ACVR1C: variants seen among roughly 807,000 people sequenced by gnomAD.
The protein encoded by ACVR1C is activin A receptor type 1C, also known as activin receptor type-1C.
In ACVR1C, 23 loss-of-function variants were observed where a neutral mutation model predicts 57.9. That is an observed-to-expected ratio of 0.40 (90% CI 0.29 to 0.56). ACVR1C has a LOEUF of 0.56. Among genes scored for constraint, ACVR1C ranks in the 20% least tolerant of loss-of-function variants. The pLI, the probability that ACVR1C is intolerant of heterozygous loss-of-function variation, is 0.50. For missense variants in ACVR1C, 480 were observed against 607.9 expected, an observed-to-expected ratio of 0.79 and a Z score of 2.21; for synonymous variants, 214 against 215.3, an observed-to-expected ratio of 0.99 and a Z score of 0.05.
In ACVR1C at chr2:157,576,835, C is replaced by CTTTT. The variant is rs1166673398; in HGVS notation, c.304+10348_304+10351dup. Among the ~76,000 whole-genome samples, 131 of 41,720 alleles carry CTTTT rather than the reference C, an allele frequency of 3.1e-3. 12 individuals carry two copies. The highest frequency in any genetic ancestry group is 4.8e-3 in the African/African-American group (35 of 7,346). The allele number at this position is 41,720 out of a possible 152,430, so 27.4% of individuals were successfully genotyped here. On this transcript the variant is annotated intron_variant, in intron 2 of 8. Transcript: ENST00000243349. ...AGAGCCTTTTGGGCTTTGAAATTTT[C>CTTTT]TTTTTTTTTTTTTTTTTTTTTTTTT...
intron 2 of ACVR1C, among the ~76,000 whole-genome samples, chr2:157,582,439 T>C (rs909655186): frequency 7.9e-5 from 12 of 152,188 alleles, no homozygotes; most frequent in African/African-American, 2.9e-4. Context: ...ATCCATCATA[T>C]GAACAGACTA....
At chr2:157,617,581 T>C (rs1382318160) in intron 1 of ACVR1C, among the ~76,000 whole-genome samples, 1 of 152,046 alleles carries the variant, frequency 6.6e-6, no homozygotes, top group Non-Finnish European at 1.5e-5. Flanking sequence ...AATGTATTTC[T>C]CAAAATTTCA....
chr2:157,529,647 C>T lies in ACVR1C; in HGVS notation c.*4271G>A, dbSNP rs1171779804. ...TAACTTTATATAATCTCTGAGAGTA[C>T]TAAGGGATTCTCTTTCATTAGAAGG... On this transcript the variant is annotated 3_prime_UTR_variant, in exon 9 of 9. Coordinates refer to ENST00000243349, the MANE Select transcript of ACVR1C (RefSeq NM_145259.3). The T allele has an allele frequency of 3.9e-5, 6 of 151,944 alleles. No individual in the cohort carries two copies. Among genetic ancestry groups the T allele is most frequent in the Middle Eastern group, 3.4e-3 (1 of 294 alleles). The allele number at this position is 151,944 out of a possible 1,614,324, so 9.4% of individuals were successfully genotyped here.
intron 1 of ACVR1C, among the ~76,000 whole-genome samples, chr2:157,611,396 T>G (rs1682529143): frequency 6.6e-6 from 1 of 152,174 alleles, no homozygotes; most frequent in Non-Finnish European, 1.5e-5. Flanking sequence ...TGGGTCGGTC[T>G]TTAGGCACGA....
intron 1 of ACVR1C, among the ~76,000 whole-genome samples, chr2:157,624,040 T>C (rs1014731059): frequency 6.6e-6 from 1 of 152,196 alleles, no homozygotes; most frequent in Non-Finnish European, 1.5e-5. Flanking sequence ...AATAAACTCT[T>C]TATATATATG....
intron 5 of ACVR1C, 27 bp downstream of exon 5, chr2:157,544,418 G>T: frequency 6.4e-7 from 1 of 1,569,742 alleles, no homozygotes; most frequent in Non-Finnish European, 8.6e-7. Context: ...ATTCAAAGTG[G>T]AAAAAAAATG....
At chr2:157,538,484 T>C (rs1274173853) in intron 8 of ACVR1C, 89 bp downstream of exon 8, 2 of 1,246,452 alleles carry the variant, frequency 1.6e-6, no homozygotes, top group Admixed American at 2.9e-5. Flanking sequence ...ATGGAATGAA[T>C]TGGAAAAACT....
At chr2:157,539,947 T>C (rs1383796762) in intron 7 of ACVR1C, among the ~76,000 whole-genome samples, 1 of 152,222 alleles carries the variant, frequency 6.6e-6, no homozygotes, top group Non-Finnish European at 1.5e-5. Flanking sequence ...TTGCATAAAG[T>C]CTGCAAGGTT....
At chr2:157,572,399 T>C (rs1406244350) in intron 2 of ACVR1C, among the ~76,000 whole-genome samples, 2 of 150,636 alleles carry the variant, frequency 1.3e-5, no homozygotes, top group African/African-American at 4.9e-5. Context: ...AAAAAGTCTA[T>C]GCTAGCATAA....
intron 1 of ACVR1C, among the ~76,000 whole-genome samples, chr2:157,623,553 T>G (rs769259605): frequency 1.3e-5 from 2 of 149,994 alleles, no homozygotes; most frequent in Non-Finnish European, 3.0e-5. Flanking sequence ...GATCTAAAAA[T>G]CAAACTCATG....
intron 5 of ACVR1C, 79 bp downstream of exon 5, chr2:157,544,366 C>T (rs1315754804): frequency 2.3e-6 from 3 of 1,322,470 alleles, no homozygotes; most frequent in Non-Finnish European, 2.0e-6. Flanking sequence ...TAATTAATTA[C>T]TCCTAATAAA....
At chr2:157,574,643 C>T (rs565508480) in intron 2 of ACVR1C, among the ~76,000 whole-genome samples, 6 of 152,102 alleles carry the variant, frequency 3.9e-5, no homozygotes, top group Non-Finnish European at 5.9e-5. Flanking sequence ...GGCAGGTAGA[C>T]TTGCTTTGCT....
intron 1 of ACVR1C, among the ~76,000 whole-genome samples, chr2:157,594,500 A>T: frequency 6.6e-6 from 1 of 152,108 alleles, no homozygotes; most frequent in Non-Finnish European, 1.5e-5. Flanking sequence ...AGAGAATTCT[A>T]CTGGTTTATA....
At chr2:157,553,212 C>T (rs779818932) in intron 3 of ACVR1C, among the ~76,000 whole-genome samples, 2 of 152,166 alleles carry the variant, frequency 1.3e-5, no homozygotes, top group Non-Finnish European at 1.5e-5. Flanking sequence ...TACAGGTGAG[C>T]TTTTATGACT....
chr2:157,548,922 G>C (rs1305649865), intron 4 of ACVR1C, among the ~76,000 whole-genome samples: 2 of 152,202 alleles, frequency 1.3e-5, no homozygotes, highest in Admixed American at 1.3e-4. Flanking sequence ...GAAAATTTGA[G>C]TCTTGAAGAT....
rs74439228 is a variant in ACVR1C at position 157,544,146 on chromosome 2, C to T, written c.943+299G>A. Among the ~76,000 whole-genome samples the T allele has an allele frequency of 5.4e-4, 81 of 149,962 alleles. No individual in the cohort carries two copies. In the East Asian group the frequency reaches 0.015, roughly 27 times the overall value. On this transcript the variant is annotated intron_variant, in intron 5 of 8. Transcript: ENST00000243349. ...CTGGACCTTTCAGGCTCAAGTGATC[C>T]TCCCACCTCAGCCTCCCAAGTGGCT...
intron 1 of ACVR1C, among the ~76,000 whole-genome samples, chr2:157,626,353 A>G (rs897332404): frequency 6.6e-6 from 1 of 152,246 alleles, no homozygotes; most frequent in African/African-American, 2.4e-5. Flanking sequence ...ATTCTCAAAA[A>G]GGAGCAATGG....
At chr2:157,538,523 C>A in intron 8 of ACVR1C, 50 bp downstream of exon 8, 1 of 1,461,586 alleles carries the variant, frequency 6.8e-7, no homozygotes, top group African/African-American at 1.4e-5. Context: ...CTCCCCGATA[C>A]TCACCTCAAA....
chr2:157,549,524 T>G (rs1687858952), intron 4 of ACVR1C, among the ~76,000 whole-genome samples: 1 of 152,146 alleles, frequency 6.6e-6, no homozygotes, highest in African/African-American at 2.4e-5. Flanking sequence ...ATTAGTTGGT[T>G]CCTGCACCAA....
Sources: allele counts gnomAD v4.1 joint callset (sites outside exome capture counted in the v4.1 genomes callset), GRCh38; gene constraint gnomAD v4.1.1; transcripts MANE v1.5; gene names NCBI Gene and HGNC (gene_info 2026-07-23, HGNC 2026-07-21).